RAB6B: variants seen among roughly 807,000 people sequenced by gnomAD.
RAB6B encodes RAB6B, member RAS oncogene family.
A neutral mutation model predicts 31.2 loss-of-function variants in RAB6B; 7 were observed. The ratio of observed to expected loss-of-function variants is 0.22; its 90% confidence interval spans 0.13 to 0.42. RAB6B has a LOEUF of 0.42. Among genes scored for constraint, RAB6B ranks in the 10% least tolerant of loss-of-function variants. RAB6B has a pLI of 1.00. For synonymous variants in RAB6B, 105 were observed against 104.9 expected (o/e 1.00, Z -0.01); for missense variants, 149 against 280.6 (o/e 0.53, Z 3.35).
chr3:133,831,954 C>T (rs1230348909), intron 7 of RAB6B, among the ~76,000 whole-genome samples: 1 of 152,210 alleles, frequency 6.6e-6, no homozygotes, highest in Non-Finnish European at 1.5e-5. Flanking sequence ...AATGTCAAAG[C>T]ACACCACAGC....
At position 133,840,966 on chromosome 3, in the gene RAB6B, G is replaced by T. The variant is rs375711690; in HGVS notation, c.289+319C>A. ...GCTTTCTGACAGCCAGGGAGAGGGAGGGTGCAGAGAGGCTGGAGCAGGGCC... is the reference window on the plus strand; with the variant it reads ...GCTTTCTGACAGCCAGGGAGAGGGATGGTGCAGAGAGGCTGGAGCAGGGCC... On this transcript the variant is annotated intron_variant, in intron 4 of 7. Coordinates refer to ENST00000285208, the MANE Select transcript of RAB6B (RefSeq NM_016577.4). Among the ~76,000 whole-genome samples the T allele has an allele frequency of 1.9e-3, 284 of 152,274 alleles. 2 individuals are homozygous for T. The highest frequency in any genetic ancestry group is 6.6e-3 in the African/African-American group (274 of 41,556).
intron 1 of RAB6B, among the ~76,000 whole-genome samples, chr3:133,883,909 G>T (rs1936502946): frequency 6.6e-6 from 1 of 152,206 alleles, no homozygotes. Context: ...GAAACAGAGG[G>T]ACCAGAGGAG....
In RAB6B at chr3:133,895,471, C is replaced by T; in HGVS notation, c.-5G>A. On this transcript the variant is annotated 5_prime_UTR_variant, in exon 1 of 8. Coordinates refer to ENST00000285208, the MANE Select transcript of RAB6B (RefSeq NM_016577.4). ...AAAATCTCCCCCTGCGGACATGGTG[C>T]TGGCAGCCGGGGCCGGGAGAGGAGG... 6.2e-7 allele frequency: 1 copy of T among 1,611,194 alleles called. No homozygotes were observed. The highest frequency in any genetic ancestry group is 8.5e-7 in the Non-Finnish European group (1 of 1,178,744).
At chr3:133,853,740 C>T (rs890574813) in intron 2 of RAB6B, among the ~76,000 whole-genome samples, 2 of 152,130 alleles carry the variant, frequency 1.3e-5, no homozygotes, top group East Asian at 3.8e-4. Context: ...CCCTTGGCTT[C>T]CTCATCTCTA....
chr3:133,849,631 T>A (rs1935950808), intron 2 of RAB6B, among the ~76,000 whole-genome samples: 1 of 152,198 alleles, frequency 6.6e-6, no homozygotes, highest in South Asian at 2.1e-4. Context: ...GAATGCAAAG[T>A]CCCTGCTCTT....
chr3:133,882,261 T>TG (rs1156938931), intron 1 of RAB6B, among the ~76,000 whole-genome samples: 1 of 152,236 alleles, frequency 6.6e-6, no homozygotes, highest in Non-Finnish European at 1.5e-5. Flanking sequence ...AACATAATCA[T>TG]GGGAGGGACT....
chr3:133,841,907 G>A (rs1198750084), intron 2 of RAB6B, among the ~76,000 whole-genome samples: 1 of 152,212 alleles, frequency 6.6e-6, no homozygotes, highest in Non-Finnish European at 1.5e-5. Flanking sequence ...GAGGGCAAGT[G>A]CTTCAGAAGC....
chr3:133,848,573 T>C (rs946451593), intron 2 of RAB6B, among the ~76,000 whole-genome samples: 6 of 152,142 alleles, frequency 3.9e-5, no homozygotes, highest in Non-Finnish European at 5.9e-5. Context: ...ATGGCACTGG[T>C]GTCTGGGGAG....
intron 1 of RAB6B, among the ~76,000 whole-genome samples, chr3:133,893,140 T>C (rs890572256): frequency 6.6e-6 from 1 of 152,224 alleles, no homozygotes; most frequent in South Asian, 2.1e-4. Context: ...CTACTCAGCA[T>C]TCCTACCAGT....
At chr3:133,841,161 C>T (rs983519605) in intron 4 of RAB6B, 124 bp downstream of exon 4, 55 of 845,496 alleles carry the variant, frequency 6.5e-5, no homozygotes, top group Non-Finnish European at 9.3e-5. Context: ...AGGGAGCAAT[C>T]GCACACACAT....
At chr3:133,881,193 C>T (rs754059018) in intron 1 of RAB6B, among the ~76,000 whole-genome samples, 3 of 152,166 alleles carry the variant, frequency 2.0e-5, no homozygotes, top group African/African-American at 4.8e-5. Context: ...CCCCATGCTG[C>T]GAGCTCTGGG....
chr3:133,860,490 T>C (rs1936145235), intron 2 of RAB6B, among the ~76,000 whole-genome samples: 1 of 152,176 alleles, frequency 6.6e-6, no homozygotes. Context: ...TCCAGAACAG[T>C]AAGAAAATAA....
Position 133,833,662 on chromosome 3 carries a change from C to T in RAB6B, c.562+913G>A, listed in dbSNP as rs567109257. 2.0e-4 allele frequency among the ~76,000 whole-genome samples: 30 copies of T among 152,298 alleles called. No homozygotes were observed. In the South Asian group the frequency reaches 5.4e-3, roughly 27 times the overall value. ...AGGTGCCCTTCCATCTTCCCAGGGC[C>T]CTTCTTTGATCTGTCAGGGATGTCT... is the stretch of plus-strand genomic sequence containing the variant. On this transcript the variant is annotated intron_variant, in intron 7 of 7. Transcript: ENST00000285208.
chr3:133,886,739 C>G lies in RAB6B; in HGVS notation c.70+8658G>C, dbSNP rs536598548. Among the ~76,000 whole-genome samples, 7 of 152,350 alleles carry G rather than the reference C, an allele frequency of 4.6e-5. No homozygotes were observed. In the East Asian group the frequency reaches 1.3e-3, roughly 29 times the overall value. On this transcript the variant is annotated intron_variant, in intron 1 of 7. Transcript: ENST00000285208. ...AGAAATGATCAATGATTCTCAAAAT[C>G]TCGCACCCTACTTCTGCAATGAGGG...
At chr3:133,880,153 G>A (rs143356217) in intron 1 of RAB6B, among the ~76,000 whole-genome samples, 1 of 152,356 alleles carries the variant, frequency 6.6e-6, no homozygotes, top group East Asian at 1.9e-4. Flanking sequence ...TAGTATTAAT[G>A]TAACTTGGTA....
intron 7 of RAB6B, among the ~76,000 whole-genome samples, chr3:133,833,056 T>C (rs1935678349): frequency 6.6e-6 from 1 of 152,180 alleles, no homozygotes; most frequent in Non-Finnish European, 1.5e-5. Context: ...GAGCGGGCAG[T>C]GCAACCCTTC....
chr3:133,841,249 T>C (rs777600337), intron 4 of RAB6B, 36 bp downstream of exon 4: 5 of 1,609,366 alleles, frequency 3.1e-6, no homozygotes, highest in Non-Finnish European at 4.3e-6. Flanking sequence ...GGACCCCCTA[T>C]GAGCCACCCT....
intron 2 of RAB6B, among the ~76,000 whole-genome samples, chr3:133,857,768 G>C (rs532579790): frequency 6.6e-6 from 1 of 152,106 alleles, no homozygotes; most frequent in Non-Finnish European, 1.5e-5. Context: ...TCTTTGTATT[G>C]ATGGCACTGA....
chr3:133,835,060 T>C (rs1026087375), intron 6 of RAB6B, among the ~76,000 whole-genome samples: 10 of 152,066 alleles, frequency 6.6e-5, no homozygotes, highest in African/African-American at 2.2e-4. Flanking sequence ...GCCCTTGAGA[T>C]GAATGACTCT....
Sources: allele counts gnomAD v4.1 joint callset (sites outside exome capture counted in the v4.1 genomes callset), GRCh38; gene constraint gnomAD v4.1.1; transcripts MANE v1.5; gene names NCBI Gene and HGNC (gene_info 2026-07-23, HGNC 2026-07-21).